The following TMEM200C variants were observed in gnomAD, a reference collection of about 807,000 sequenced individuals.
TMEM200C encodes transmembrane protein TTMA.
For synonymous variants in TMEM200C, 462 were observed against 324.7 expected (o/e 1.42, Z -4.55); for missense variants, 966 against 699.9 (o/e 1.38, Z -4.29).
exon 3 of TMEM200C, chr18:5,889,671 C>T (rs1190250429): frequency 6.6e-6 from 1 of 152,048 alleles, no homozygotes; most frequent in Non-Finnish European, 1.5e-5. Context: ...GTGCTCGTTC[C>T]TGAATTATTC....
rs763098598 is a variant in TMEM200C at position 5,891,811 on chromosome 18, C to G, written c.253G>C (p.Gly85Arg). The change falls in exon 3 of 3, where the codon GGG becomes CGG. Residue 85 changes from glycine (G) to arginine (R), a missense_variant. By Grantham distance (125) the Gly-to-Arg change is moderately radical. Coordinates refer to ENST00000581347, the Ensembl canonical transcript of TMEM200C. This position sits in a 1 kb window ranked among gnomAD's most constrained non-coding sequence, Gnocchi z 4.7. ...CCCGCAGGCGGCAGCTGCTTACCCC[C>G]CTCCCGATTGGTCCCGGTGGCCTTG... 6.2e-7 allele frequency: 1 copy of G among 1,604,998 alleles called. No homozygotes were observed. The highest frequency in any genetic ancestry group is 1.1e-5 in the South Asian group (1 of 91,032).
chr18:5,893,718 A>G (rs556934957), intron 2 of TMEM200C, among the ~76,000 whole-genome samples: 3 of 152,226 alleles, frequency 2.0e-5, no homozygotes, highest in African/African-American at 4.8e-5. Context: ...CATTATATCA[A>G]TATAGGCAGG....
At chr18:5,886,929 A>T (rs1173198194) in exon 3 of TMEM200C, 2 of 152,232 alleles carry the variant, frequency 1.3e-5, no homozygotes, top group Non-Finnish European at 2.9e-5. Flanking sequence ...AATAAAAGGA[A>T]CAAACCTTTG....
intron 2 of TMEM200C, among the ~76,000 whole-genome samples, 181 bp from the exon 2 acceptor site, chr18:5,892,338 C>T (rs563493567): frequency 2.6e-5 from 4 of 152,296 alleles, no homozygotes; most frequent in Non-Finnish European, 4.4e-5. Context: ...GGAAGGGAAA[C>T]GTTGTTGCAA....
chr18:5,893,677 T>G (rs887273149), intron 2 of TMEM200C, among the ~76,000 whole-genome samples: 5 of 152,238 alleles, frequency 3.3e-5, no homozygotes, highest in Non-Finnish European at 5.9e-5. Flanking sequence ...AATTGGTGAT[T>G]GGGTGAAAGG....
At chr18:5,892,066 C>T (rs1382463485) in exon 3 of TMEM200C, 7 of 1,610,226 alleles carry the variant, frequency 4.3e-6, no homozygotes, top group Non-Finnish European at 5.9e-6. Flanking sequence ...GCGATCATGG[C>T]GAGCTCCTGG....
At position 5,891,530 on chromosome 18, in the gene TMEM200C, G is replaced by A. The variant is rs200009740; in HGVS notation, c.534C>T (p.Phe178=). ...GGACCGCGTTTGCGCAGATGAAGAGGAAGATGCCGATGCCCATGATGAGGG... is the reference window on the plus strand; with the variant it reads ...GGACCGCGTTTGCGCAGATGAAGAGAAAGATGCCGATGCCCATGATGAGGG... Residue 178 remains phenylalanine (F), a synonymous_variant, in exon 3 of 3, where the codon TTC becomes TTT. Transcript: ENST00000581347. This position sits in a 1 kb window ranked among gnomAD's most constrained non-coding sequence, Gnocchi z 4.7. 75 of 1,613,256 alleles carry A rather than the reference G, an allele frequency of 4.6e-5. No homozygotes were observed. The African/African-American group carries it at 9.5e-4, about 20-fold the overall frequency.
Position 5,894,956 on chromosome 18 carries a change from G to T in TMEM200C, c.-95+74C>A, listed in dbSNP as rs989003152. The T allele has an allele frequency of 4.6e-5, 7 of 152,450 alleles. No individual in the cohort carries two copies. In the East Asian group the frequency reaches 1.4e-3, roughly 30 times the overall value. 9.4% of individuals were successfully genotyped at this position (152,450 alleles called of 1,614,324 possible). A position where few individuals can be genotyped will look rare whatever the true frequency, so the allele number is the denominator to read the frequency against. The stretch of plus-strand genomic sequence containing the variant: ...CTCGGGGACCCGAGGGGCGGGGAGG[G>T]GCCCCCAAGGGCTGGGGACTGGCAG... On this transcript the variant is annotated intron_variant, in intron 2 of 2. Coordinates refer to ENST00000581347, the Ensembl canonical transcript of TMEM200C.
chr18:5,890,656 G>C (rs1252299177), exon 3 of TMEM200C: 3 of 651,298 alleles, frequency 4.6e-6, no homozygotes, highest in Non-Finnish European at 6.6e-6. Flanking sequence ...CTGGTGCTGC[G>C]GCGCCGCAAG....
chr18:5,891,850 C>G lies in TMEM200C; in HGVS notation c.214G>C (p.Val72Leu). ...CCGGTGGCCTTGGGCCAGTAGCCCA[C>G]CACCGCCATGGCTATGCCCACCAGC... The change falls in exon 3 of 3, where the codon GTG becomes CTG. Residue 72 changes from valine to leucine, a missense_variant. By Grantham distance (32) the Val-to-Leu change is conservative. Coordinates refer to ENST00000581347, the Ensembl canonical transcript of TMEM200C. This position sits in a 1 kb window ranked among gnomAD's most constrained non-coding sequence, Gnocchi z 4.7. 1 of 1,608,530 alleles carries G rather than the reference C, an allele frequency of 6.2e-7. No individual in the cohort carries two copies. Among genetic ancestry groups the G allele is most frequent in the Non-Finnish European group, 8.5e-7 (1 of 1,179,216 alleles).
At chr18:5,884,786 G>A (rs2095164160) in exon 3 of TMEM200C, 1 of 152,012 alleles carries the variant, frequency 6.6e-6, no homozygotes, top group South Asian at 2.1e-4. Flanking sequence ...TGCTTCGACT[G>A]ACCTAGTTAT....
At chr18:5,884,884 T>C (rs1165323817) in exon 3 of TMEM200C, 1 of 152,162 alleles carries the variant, frequency 6.6e-6, no homozygotes. Flanking sequence ...TTAAAATAAA[T>C]TGTTCATAAA....
chr18:5,894,285 A>G (rs908641072), intron 2 of TMEM200C, among the ~76,000 whole-genome samples: 1 of 152,178 alleles, frequency 6.6e-6, no homozygotes, highest in Non-Finnish European at 1.5e-5. Flanking sequence ...CCTTTACCGC[A>G]CATCTTTAAA....
chr18:5,892,204 T>TGACATCTCACGCTGCAGC, intron 2 of TMEM200C, 47 bp from the exon 2 acceptor site: 1 of 826,258 alleles, frequency 1.2e-6, no homozygotes, highest in Non-Finnish European at 1.8e-6. Context: ...TTGGCTGCAG[T>TGACATCTCACGCTGCAGC]GACATCTCAC....
intron 2 of TMEM200C, among the ~76,000 whole-genome samples, chr18:5,893,594 T>A (rs948069142): frequency 6.6e-5 from 10 of 152,234 alleles, no homozygotes; most frequent in Non-Finnish European, 1.5e-4. Flanking sequence ...TGCTCTTCTA[T>A]CCTTTATCAG....
In TMEM200C at chr18:5,891,305, G is replaced by C. The variant is rs957925838; in HGVS notation, c.759C>G (p.Tyr253Ter). Residue 253 changes from tyrosine to a stop codon, truncating the protein, a stop_gained, in exon 3 of 3, where the codon TAC becomes TAG. Coordinates refer to ENST00000581347, the Ensembl canonical transcript of TMEM200C. LOFTEE classifies it low-confidence loss of function (END_TRUNC). The surrounding 1 kb of genome is among the most constrained non-coding windows in gnomAD (Gnocchi z 4.7). ...TCAGCTCCAGGCCCCGCGACTGCACGTAGCTGAGGAAGCCGTTGAGCGGTA... is the reference window on the plus strand; with the variant it reads ...TCAGCTCCAGGCCCCGCGACTGCACCTAGCTGAGGAAGCCGTTGAGCGGTA... 1 of 1,409,166 alleles carries C rather than the reference G, an allele frequency of 7.1e-7. No individual in the cohort carries two copies. The highest frequency in any genetic ancestry group is 1.5e-5 in the South Asian group (1 of 65,892). 87.3% of individuals were successfully genotyped at this position (1,409,166 alleles called of 1,614,324 possible).
intron 2 of TMEM200C, among the ~76,000 whole-genome samples, chr18:5,893,545 G>C (rs2095173185): frequency 6.6e-6 from 1 of 152,194 alleles, no homozygotes; most frequent in Non-Finnish European, 1.5e-5. Flanking sequence ...CAAGGACATT[G>C]TATGAACTGA....
exon 3 of TMEM200C, chr18:5,883,891 G>A (rs1006775809): frequency 6.6e-6 from 1 of 151,972 alleles, no homozygotes; most frequent in African/African-American, 2.4e-5. Flanking sequence ...CAAATTTAAT[G>A]GTAATTTTAA....
exon 3 of TMEM200C, chr18:5,892,002 G>A (rs763873340): frequency 1.2e-6 from 2 of 1,613,744 alleles, no homozygotes; most frequent in East Asian, 2.2e-5. Context: ...TATCTGGCTT[G>A]GGGGGCGGAG....
Sources: allele counts gnomAD v4.1 joint callset (sites outside exome capture counted in the v4.1 genomes callset), GRCh38; gene constraint gnomAD v4.1.1; non-coding constraint Gnocchi (gnomAD v3.1); transcripts MANE v1.5; gene names NCBI Gene and HGNC (gene_info 2026-07-23, HGNC 2026-07-21).